MRPL48: variants seen among roughly 807,000 people sequenced by gnomAD.
MRPL48 encodes large ribosomal subunit protein mL48.
MRPL48 carries 16 observed loss-of-function variants against 32.9 expected under a neutral mutation model. That is an observed-to-expected ratio of 0.49 (90% CI 0.33 to 0.74). The LOEUF is 0.74. MRPL48 is among the 30% of genes least tolerant of loss of function. The pLI is 0.02. For missense variants in MRPL48, 206 were observed against 245.3 expected, an observed-to-expected ratio of 0.84 and a Z score of 1.07; for synonymous variants, 94 against 89.2, an observed-to-expected ratio of 1.05 and a Z score of -0.31.
At chr11:73,830,543 T>C (rs1008759302) in intron 4 of MRPL48, among the ~76,000 whole-genome samples, 1 of 152,160 alleles carries the variant, frequency 6.6e-6, no homozygotes, top group Non-Finnish European at 1.5e-5. Flanking sequence ...ATGGAATCTT[T>C]TGTGGCCTCC....
At chr11:73,827,736 G>A (rs1003620755) in intron 4 of MRPL48, among the ~76,000 whole-genome samples, 2 of 152,138 alleles carry the variant, frequency 1.3e-5, no homozygotes, top group African/African-American at 4.8e-5. Flanking sequence ...TTGGGCCTTA[G>A]AAACCACTAA....
rs932454298 is a variant in MRPL48 at position 73,864,473 on chromosome 11, A to G, written c.*103A>G. The G allele has an allele frequency of 4.4e-6, 5 of 1,141,724 alleles. No homozygotes were observed. The highest frequency in any genetic ancestry group is 1.5e-5 in the African/African-American group (1 of 64,962). 70.7% of individuals were successfully genotyped at this position (1,141,724 alleles called of 1,614,324 possible). Reference sequence around the variant, plus strand: ...TCAGGAGACCCAACCCTTAGATTTCATAAGTACCCATTCCCATAGCCAGTA... The same window carrying G: ...TCAGGAGACCCAACCCTTAGATTTCGTAAGTACCCATTCCCATAGCCAGTA... On this transcript the variant is annotated 3_prime_UTR_variant, in exon 8 of 8. Coordinates refer to ENST00000310614, the MANE Select transcript of MRPL48 (RefSeq NM_016055.6).
At chr11:73,801,090 C>T (rs1222519890) in intron 1 of MRPL48, among the ~76,000 whole-genome samples, 3 of 152,148 alleles carry the variant, frequency 2.0e-5, no homozygotes, top group East Asian at 1.9e-4. Flanking sequence ...GGATTACAGG[C>T]GTGAGCCACT....
intron 2 of MRPL48, among the ~76,000 whole-genome samples, chr11:73,807,827 C>T (rs995169223): frequency 1.3e-5 from 2 of 151,862 alleles, no homozygotes; most frequent in African/African-American, 4.8e-5. Context: ...TTAGTAGAGA[C>T]GGGGTTTCGC....
intron 3 of MRPL48, among the ~76,000 whole-genome samples, chr11:73,809,521 G>T (rs1208015564): frequency 1.4e-5 from 2 of 146,464 alleles, no homozygotes; most frequent in African/African-American, 5.1e-5. Flanking sequence ...AAAAAAAAAA[G>T]ATAAAATGCT....
chr11:73,834,486 G>GT (rs1189065646), intron 4 of MRPL48, among the ~76,000 whole-genome samples: 2 of 149,182 alleles, frequency 1.3e-5, no homozygotes, highest in Admixed American at 1.3e-4. Flanking sequence ...TTTTCTCTTT[G>GT]TTTTTTGTTT....
rs142374054 is a variant in MRPL48, at chr11:73,806,695, T to C, written c.74+1616T>C. Among the ~76,000 whole-genome samples, 393 of 152,294 alleles carry C rather than the reference T, an allele frequency of 2.6e-3. 8 individuals are homozygous for C. The highest frequency in any genetic ancestry group is 0.024 in the Admixed American group (361 of 15,274). ...TGTTAAATGAATGAATTGACCTTCA[T>C]AGTGACCTGGTAAAACAGATGATAT... On this transcript the variant is annotated intron_variant, in intron 2 of 7. Coordinates refer to ENST00000310614, the MANE Select transcript of MRPL48 (RefSeq NM_016055.6).
intron 4 of MRPL48, among the ~76,000 whole-genome samples, chr11:73,827,346 T>C (rs1947917106): frequency 6.6e-6 from 1 of 152,172 alleles, no homozygotes; most frequent in South Asian, 2.1e-4. Flanking sequence ...ATCACGCCAC[T>C]GTACTCTAGT....
intron 5 of MRPL48, among the ~76,000 whole-genome samples, chr11:73,849,872 T>C (rs1948358807): frequency 6.6e-6 from 1 of 152,170 alleles, no homozygotes; most frequent in Non-Finnish European, 1.5e-5. Context: ...CTGAGGAGCA[T>C]GGACTGCTTG....
intron 5 of MRPL48, among the ~76,000 whole-genome samples, chr11:73,849,123 C>T (rs939085581): frequency 1.4e-4 from 22 of 151,752 alleles, no homozygotes; most frequent in Non-Finnish European, 2.4e-4. Context: ...CACCCAGCCC[C>T]TTTTTAATTC....
intron 2 of MRPL48, among the ~76,000 whole-genome samples, chr11:73,807,035 A>G (rs1001827866): frequency 1.3e-5 from 2 of 151,858 alleles, no homozygotes; most frequent in African/African-American, 4.8e-5. Flanking sequence ...ATGTCTGGCT[A>G]ATTTTTCTAT....
chr11:73,860,078 T>C, intron 6 of MRPL48, 69 bp downstream of exon 6: 2 of 1,298,458 alleles, frequency 1.5e-6, no homozygotes, highest in Non-Finnish European at 2.2e-6. Flanking sequence ...ACTTTTTCAC[T>C]TTCTATTATG....
intron 2 of MRPL48, among the ~76,000 whole-genome samples, chr11:73,807,836 G>T (rs1465863935): frequency 6.6e-6 from 1 of 151,828 alleles, no homozygotes; most frequent in South Asian, 2.1e-4. Context: ...ACGGGGTTTC[G>T]CCATATTGGG....
At position 73,808,221 on chromosome 11, in the gene MRPL48, G is replaced by A. The variant is rs1947495232; in HGVS notation, c.75-92G>A. 4 of 1,220,698 alleles carry A rather than the reference G, an allele frequency of 3.3e-6. No individual in the cohort carries two copies. The Admixed American group carries it at 8.5e-5, about 26-fold the overall frequency. The allele number at this position is 1,220,698 out of a possible 1,614,324, so 75.6% of individuals were successfully genotyped here. Reference sequence around the variant, plus strand: ...GAAGGAGTAAGGAAACAGCATTGATGCATCTTTAGTGATAGAATATAAATT... The same window carrying A: ...GAAGGAGTAAGGAAACAGCATTGATACATCTTTAGTGATAGAATATAAATT... On this transcript the variant is annotated intron_variant, in intron 2 of 7. Transcript: ENST00000310614.
rs1285212653 is a variant in MRPL48 at position 73,799,341 on chromosome 11, G to T, written c.22-5686G>T. On this transcript the variant is annotated intron_variant, in intron 1 of 7. Coordinates refer to ENST00000310614, the MANE Select transcript of MRPL48 (RefSeq NM_016055.6). ...TACCCCAGCCTGGGTGACAGAGCAA[G>T]ACCTTGTCTCAAAAACAAAAGAATT... 2.0e-5 allele frequency among the ~76,000 whole-genome samples: 3 copies of T among 152,268 alleles called. No individual in the cohort carries two copies. The East Asian group carries it at 5.8e-4, about 29-fold the overall frequency.
At chr11:73,820,219 C>T (rs1476504064) in intron 3 of MRPL48, among the ~76,000 whole-genome samples, 1 of 152,186 alleles carries the variant, frequency 6.6e-6, no homozygotes, top group Admixed American at 6.6e-5. Flanking sequence ...CCGACCACTA[C>T]TCACGCTGGT....
Position 73,807,714 on chromosome 11 carries a change from T to G in MRPL48, c.75-599T>G, listed in dbSNP as rs1590942950. Among the ~76,000 whole-genome samples, 3 of 149,604 alleles carry G rather than the reference T, an allele frequency of 2.0e-5. No homozygotes were observed. The East Asian group carries it at 6.0e-4, about 30-fold the overall frequency. On this transcript the variant is annotated intron_variant, in intron 2 of 7. Transcript: ENST00000310614. ...GTGCAGTGGCACGATCTTGGCTTAC[T>G]GCAACCTCCGCCTCCCAAGTTCAGG...
intron 1 of MRPL48, among the ~76,000 whole-genome samples, chr11:73,794,883 A>G (rs1255191430): frequency 6.8e-6 from 1 of 146,466 alleles, no homozygotes; most frequent in Non-Finnish European, 1.5e-5. Flanking sequence ...TAGCTGGGAT[A>G]ACAGGCATGC....
chr11:73,826,801 A>C (rs1590967902), intron 4 of MRPL48, among the ~76,000 whole-genome samples: 1 of 99,736 alleles, frequency 1.0e-5, no homozygotes, highest in Non-Finnish European at 2.0e-5. Flanking sequence ...TTTGAGATGG[A>C]GTTTCACTCT....
Sources: gnomAD v4.1 joint callset for allele counts (sites outside exome capture counted in the v4.1 genomes callset) on GRCh38, gnomAD v4.1.1 for gene constraint, MANE v1.5 for transcripts, NCBI Gene and HGNC (gene_info 2026-07-23, HGNC 2026-07-21) for gene names.